Variants in APOB observed in about 807,000 individuals in gnomAD.
APOB encodes the protein apolipoprotein B-100.
A neutral mutation model predicts 314.1 loss-of-function variants in APOB; 153 were observed. The ratio of observed to expected loss-of-function variants is 0.49; its 90% CI spans 0.43 to 0.56. APOB has a LOEUF of 0.56. Among genes scored for constraint, APOB ranks in the 20% least tolerant of loss-of-function variants. The pLI is 0.00. For synonymous variants in APOB, 2,087 were observed against 2,036.4 expected (o/e 1.02, Z -0.67); for missense variants, 5,430 against 5,350.7 (o/e 1.01, Z -0.46).
At chr2:21,018,477 C>G (rs994551065) in intron 20 of APOB, among the ~76,000 whole-genome samples, 1 of 152,164 alleles carries the variant, frequency 6.6e-6, no homozygotes, top group Non-Finnish European at 1.5e-5. Context: ...GTCTTCCTTC[C>G]TTTCCTTGAA....
rs773123540 is a variant in APOB at position 21,014,485 on chromosome 2, G to T, written c.3805C>A (p.Pro1269Thr). The T allele has an allele frequency of 6.2e-7, 1 of 1,614,046 alleles. No homozygotes were observed. The highest frequency in any genetic ancestry group is 1.7e-5 in the Admixed American group (1 of 60,010). ...KEFNLQNMGL[P>T]DFHIPENLFL... is the part of the protein sequence containing the mutation. ...AGGTTTTCTGGGATGTGGAAGTCTGGCAATCCCATGTTCTGGAGGTTGAAC... is the reference window on the plus strand; with the variant it reads ...AGGTTTTCTGGGATGTGGAAGTCTGTCAATCCCATGTTCTGGAGGTTGAAC... The change falls in exon 24 of 29, where the codon CCA (proline) becomes ACA (threonine). Residue 1269 changes from proline (P) to threonine (T), a missense_variant. Physicochemically the swap from Pro to Thr is conservative, Grantham distance 38 (BLOSUM62 -1). Transcript: ENST00000233242.
rs141888564 is a variant in APOB, at chr2:21,033,498, C to T, written c.925G>A (p.Ala309Thr). 433 of 1,613,926 alleles carry T rather than the reference C, an allele frequency of 2.7e-4. No individual in the cohort carries two copies. The highest frequency in any genetic ancestry group is 3.3e-4 in the Non-Finnish European group (387 of 1,179,998). The part of the protein sequence containing the change: ...FGEGTKKMGL[A>T]FESTKSTSPP... ...GATGTGGATTTGGTGCTCTCAAATGCGAGGCCCATCTTCTTAGTACCTGGA... is the reference window on the plus strand; with the variant it reads ...GATGTGGATTTGGTGCTCTCAAATGTGAGGCCCATCTTCTTAGTACCTGGA... Residue 309 changes from alanine (A) to threonine (T), a missense_variant, in exon 9 of 29, where the codon GCA becomes ACA. Ala to Thr is a moderately conservative substitution (Grantham distance 58). This residue lies in a region of APOB where 2,085 missense variants were observed against 2,079.7 expected (regional missense o/e 1.00). Coordinates refer to ENST00000233242, the MANE Select transcript of APOB (RefSeq NM_000384.3).
chr2:21,033,450 C>T lies in APOB; in HGVS notation c.973G>A (p.Val325Ile), dbSNP rs1663929743. 2 of 1,614,052 alleles carry T rather than the reference C, an allele frequency of 1.2e-6. No homozygotes were observed. The highest frequency in any genetic ancestry group is 1.3e-5 in the African/African-American group (1 of 74,924). Residue 325 changes from valine to isoleucine, a missense_variant, in exon 9 of 29, where the codon GTT becomes ATT. Transcript: ENST00000233242. Reference sequence around the variant, plus strand: ...TTCAGTTCCTGGAGAGTCTTCAAAACAGCTTCGGCCTGCTTTGGAGGTGAT... The same window carrying T: ...TTCAGTTCCTGGAGAGTCTTCAAAATAGCTTCGGCCTGCTTTGGAGGTGAT... ...STSPPKQAEA[V>I]LKTLQELKKL...
At position 21,007,758 on chromosome 2, in the gene APOB, A is replaced by G. The variant is rs1490729577; in HGVS notation, c.9110T>C (p.Leu3037Pro). 8 of 1,614,086 alleles carry G rather than the reference A, an allele frequency of 5.0e-6. No homozygotes were observed. The highest frequency in any genetic ancestry group is 6.8e-6 in the Non-Finnish European group (8 of 1,179,964). Residue 3037 changes from leucine (L) to proline (P), a missense_variant, in exon 26 of 29, where the codon CTT (leucine) becomes CCT (proline). Physicochemically the swap from Leu to Pro is moderately conservative, Grantham distance 98. Transcript: ENST00000233242. ...CTCAAATGGCTGGGCTGAAAAGAAA[A>G]GAGAATTTTTCAAAGTTCCAATAAC... The part of the protein sequence containing the change: ...GKVIGTLKNS[L>P]FFSAQPFEIT...
At chr2:21,041,179 G>A (rs1185334025) in intron 3 of APOB, 96 bp from the exon 4 acceptor site, 11 of 1,308,934 alleles carry the variant, frequency 8.4e-6, no homozygotes, top group Admixed American at 1.9e-5. Flanking sequence ...GAGCACCAAA[G>A]GGAATGGTGC....
intron 19 of APOB, 34 bp from the exon 20 acceptor site, chr2:21,019,147 T>C (rs371517156): frequency 3.6e-5 from 58 of 1,613,614 alleles, no homozygotes; most frequent in Admixed American, 5.0e-5. Context: ...GTGCATAATG[T>C]TAGAGCTTTC....
chr2:21,005,943 C>T lies in APOB; in HGVS notation c.10925G>A (p.Gly3642Glu), dbSNP rs1663124370. ...AAGCTCGACCTGGCTCTGGAAAGAC[C>T]CAGAATGAATCCGGACTTCATTTTT... The part of the protein sequence containing the change: ...RWKNEVRIHS[G>E]SFQSQVELSN... Residue 3642 changes from glycine (G) to glutamate (E), a missense_variant, in exon 26 of 29, where the codon GGG becomes GAG. This residue lies in a region of APOB where 3,281 missense variants were observed against 3,171.0 expected (regional missense o/e 1.03). Transcript: ENST00000233242. 5.6e-6 allele frequency: 9 copies of T among 1,613,774 alleles called. No homozygotes were observed. Among genetic ancestry groups the T allele is most frequent in the Non-Finnish European group, 7.6e-6 (9 of 1,179,914 alleles).
Position 21,004,680 on chromosome 2 carries a change from A to G in APOB, c.11789-5T>C. ...CGATTTTGTGTGTTCCCAAAACTGT[A>G]TAGGAGAGATTTTGTATTTTATTAG... On this transcript the variant is annotated splice_region_variant and splice_polypyrimidine_tract_variant and intron_variant, in intron 26 of 28. Transcript: ENST00000233242. 6.3e-7 allele frequency: 1 copy of G among 1,598,116 alleles called. No individual in the cohort carries two copies.
At chr2:21,035,471 C>T (rs1257873451) in intron 7 of APOB, 113 bp downstream of exon 7, 3 of 1,399,644 alleles carry the variant, frequency 2.1e-6, no homozygotes, top group Non-Finnish European at 3.0e-6. Flanking sequence ...GCATTTTATC[C>T]CTCTCCATTC....
At chr2:21,031,950 G>C (rs1663893801) in intron 10 of APOB, among the ~76,000 whole-genome samples, 2 of 152,166 alleles carry the variant, frequency 1.3e-5, no homozygotes, top group Non-Finnish European at 2.9e-5. Flanking sequence ...TATGCAAGCT[G>C]TAATACTTAG....
intron 4 of APOB, among the ~76,000 whole-genome samples, chr2:21,038,327 TTTTTTTC>T (rs1406074920): frequency 2.0e-5 from 3 of 152,110 alleles, no homozygotes; most frequent in Non-Finnish European, 2.9e-5. Context: ...TTTTTTTTTC[TTTTTTTC>T]TTTTTTCTTT....
chr2:21,024,853 G>A (rs749924496), intron 16 of APOB, 80 bp downstream of exon 16: 1 of 1,448,370 alleles, frequency 6.9e-7, no homozygotes, highest in Non-Finnish European at 9.7e-7. Flanking sequence ...TGTGCAGCTG[G>A]GATCGTAAGG....
rs774188993 is a variant in APOB, at chr2:21,027,831, G to A, written c.2064C>T (p.Ile688=). 25 of 1,607,644 alleles carry A rather than the reference G, an allele frequency of 1.6e-5. No homozygotes were observed. The African/African-American group carries it at 1.6e-4, about 10-fold the overall frequency. Residue 688 remains isoleucine, a synonymous_variant, in exon 14 of 29, where the codon ATC becomes ATT. Coordinates refer to ENST00000233242, the MANE Select transcript of APOB (RefSeq NM_000384.3). ...ACCTCAAACTCTTCACACTTACCTC[G>A]ATGAGGTCAGCTGAAGCAAATCCAA... ...TAFGFASADL[I]EIGLEGKGFE...
intron 10 of APOB, 130 bp downstream of exon 10, chr2:21,032,224 C>G: frequency 6.2e-6 from 5 of 811,208 alleles, no homozygotes; most frequent in Non-Finnish European, 1.0e-5. Flanking sequence ...CAAAAATGAT[C>G]AAGAAAAAAC....
rs140027955 is a variant in APOB at position 21,009,645 on chromosome 2, G to T, written c.7223C>A (p.Ser2408Tyr). The part of the protein sequence containing the change: ...DDAVKKLNEL[S>Y]FKTFIEDVNK... ...AACATCTTCAATGAATGTTTTAAAA[G>T]ATAATTCATTAAGCTTCTTGACAGC... is the stretch of plus-strand genomic sequence containing the variant. Residue 2408 changes from serine (S) to tyrosine (Y), a missense_variant, in exon 26 of 29, where the codon TCT (serine) becomes TAT (tyrosine). Physicochemically the swap from Ser to Tyr is moderately radical, Grantham distance 144 (BLOSUM62 -2). Coordinates refer to ENST00000233242, the MANE Select transcript of APOB (RefSeq NM_000384.3). The T allele has an allele frequency of 6.2e-7, 1 of 1,613,526 alleles. No homozygotes were observed. The highest frequency in any genetic ancestry group is 1.1e-5 in the South Asian group (1 of 91,024).
chr2:21,011,409 T>G lies in APOB; in HGVS notation c.5459A>C (p.Lys1820Thr), dbSNP rs180874451. 1.1e-5 allele frequency: 17 copies of G among 1,614,144 alleles called. 1 individual carries two copies. In the Admixed American group the frequency reaches 2.3e-4, roughly 22 times the overall value. ...TTTTAGGTTACCAGCCACATGCAGC[T>G]TCAGGGGTTCTAGCCGTAGTTTCCC... ...NNGKLRLEPL[K>T]LHVAGNLKGA... The change falls in exon 26 of 29, where the codon AAG (lysine) becomes ACG (threonine). Residue 1820 changes from lysine (K) to threonine (T), a missense_variant. Lys to Thr is a moderately conservative substitution (Grantham distance 78, BLOSUM62 -1). Transcript: ENST00000233242.
At chr2:21,023,858 T>C (rs1446186873) in intron 16 of APOB, 166 bp from the exon 17 acceptor site, 1 of 564,410 alleles carries the variant, frequency 1.8e-6, no homozygotes, top group Admixed American at 3.4e-5. Context: ...CAAACTGATG[T>C]TTTTACCGTT....
At position 21,008,345 on chromosome 2, in the gene APOB, A is replaced by G. The variant is rs1360341168; in HGVS notation, c.8523T>C (p.Ser2841=). The stretch of plus-strand genomic sequence containing the variant: ...TAGCATTTCCAAAAAACAGCATTTC[A>G]CTCCCATGCTCCGTTCTCAGGTACT... ...SSKYLRTEHG[S]EMLFFGNAIE... Residue 2841 remains serine, a synonymous_variant, in exon 26 of 29, where the codon AGT becomes AGC. Coordinates refer to ENST00000233242, the MANE Select transcript of APOB (RefSeq NM_000384.3). The G allele has an allele frequency of 3.1e-6, 5 of 1,612,588 alleles. No individual in the cohort carries two copies. In the Admixed American group the frequency reaches 6.7e-5, roughly 22 times the overall value.
intron 20 of APOB, among the ~76,000 whole-genome samples, chr2:21,016,932 C>T (rs995381886): frequency 4.0e-5 from 6 of 150,242 alleles, no homozygotes; most frequent in East Asian, 2.0e-4. Context: ...TGCAGTGAGC[C>T]GAGATGGCAC....
Sources: gnomAD v4.1 joint callset for allele counts (sites outside exome capture counted in the v4.1 genomes callset) on GRCh38, gnomAD v4.1.1 for gene constraint, gnomAD v4.1.1 regional missense constraint, MANE v1.5 for transcripts, NCBI Gene and HGNC (gene_info 2026-07-23, HGNC 2026-07-21) for gene names.